PPFIA1: variants seen among roughly 807,000 people sequenced by gnomAD.
PPFIA1 encodes the protein PPFI scaffold protein A1, also known as liprin-alpha-1.
Under a neutral mutation model 149.9 loss-of-function variants are expected in PPFIA1, and 25 were observed. That is an observed-to-expected ratio of 0.17 (90% CI 0.12 to 0.23). The LOEUF (loss-of-function observed/expected upper bound fraction) is 0.23. Ranked by LOEUF, PPFIA1 falls within the 10% of genes least tolerant of loss-of-function variation. The pLI, the probability that PPFIA1 is intolerant of heterozygous loss-of-function variation, is 1.00. For synonymous variants in PPFIA1, 549 were observed against 552.8 expected (o/e 0.99, Z 0.10); for missense variants, 1,362 against 1,506.5 (o/e 0.90, Z 1.59).
chr11:70,373,186 C>T (rs965196880), intron 23 of PPFIA1, among the ~76,000 whole-genome samples: 2 of 151,946 alleles, frequency 1.3e-5, no homozygotes, highest in African/African-American at 4.8e-5. Flanking sequence ...GGGAGTCCCT[C>T]ACTCGTACTC....
At chr11:70,357,077 A>C (rs1450887978) in intron 19 of PPFIA1, among the ~76,000 whole-genome samples, 1 of 152,188 alleles carries the variant, frequency 6.6e-6, no homozygotes, top group Admixed American at 6.5e-5. Context: ...ACAGTGCCCA[A>C]GTGAGCCAAC....
intron 14 of PPFIA1, among the ~76,000 whole-genome samples, chr11:70,342,299 C>T (rs540800568): frequency 5.9e-5 from 9 of 152,138 alleles, no homozygotes; most frequent in East Asian, 5.8e-4. Flanking sequence ...GGAGGAAGGC[C>T]GAGTGCAGGC....
intron 1 of PPFIA1, 79 bp from the exon 2 acceptor site, chr11:70,272,094 C>T: frequency 6.9e-7 from 1 of 1,456,328 alleles, no homozygotes; most frequent in South Asian, 1.3e-5. Flanking sequence ...TTTTTAGCTA[C>T]AGATACCTGT....
At chr11:70,298,142 TC>T (rs1309646475) in intron 2 of PPFIA1, among the ~76,000 whole-genome samples, 2 of 152,244 alleles carry the variant, frequency 1.3e-5, no homozygotes, top group African/African-American at 4.8e-5. Context: ...TGGGTTTCCT[TC>T]CTTCCGTCAA....
Position 70,375,070 on chromosome 11 carries a change from C to G in PPFIA1, c.3292C>G (p.Gln1098Glu). The G allele has an allele frequency of 6.2e-7, 1 of 1,611,674 alleles. No individual in the cohort carries two copies. The highest frequency in any genetic ancestry group is 1.3e-5 in the African/African-American group (1 of 74,722). The change falls in exon 24 of 28, where the codon CAG becomes GAG. Residue 1098 changes from glutamine to glutamate, a missense_variant. This residue lies in a region of PPFIA1 where 349 missense variants were observed against 373.3 expected (regional missense o/e 0.93). Coordinates refer to ENST00000253925, the MANE Select transcript of PPFIA1 (RefSeq NM_003626.5). Reference protein sequence around the residue: ...FDFSALALLLQIPTQNTQARA... With the variant: ...FDFSALALLLEIPTQNTQARA... ...CTTCAGTGCACTGGCACTGCTGTTA[C>G]AGATCCCGACGCAGAACACACAGGT...
At chr11:70,381,860 G>A (rs1486674494) in intron 26 of PPFIA1, among the ~76,000 whole-genome samples, 1 of 152,202 alleles carries the variant, frequency 6.6e-6, no homozygotes, top group Non-Finnish European at 1.5e-5. Flanking sequence ...GTATTTCGGA[G>A]TAGTGTTCCA....
intron 2 of PPFIA1, among the ~76,000 whole-genome samples, chr11:70,293,599 AGC>A (rs1206472756): frequency 6.6e-6 from 1 of 152,170 alleles, no homozygotes; most frequent in Non-Finnish European, 1.5e-5. Flanking sequence ...GTGGCTCAGG[AGC>A]CAGTGGCGTC....
intron 2 of PPFIA1, among the ~76,000 whole-genome samples, chr11:70,275,263 T>A (rs926609477): frequency 6.6e-6 from 1 of 152,244 alleles, no homozygotes; most frequent in African/African-American, 2.4e-5. Context: ...GTGAAACGGT[T>A]ATCTTTTGCC....
At chr11:70,277,972 G>A (rs2050513820) in intron 2 of PPFIA1, among the ~76,000 whole-genome samples, 1 of 152,010 alleles carries the variant, frequency 6.6e-6, no homozygotes, top group African/African-American at 2.4e-5. Flanking sequence ...GTGCAGTGAT[G>A]TGATCTTGGC....
At position 70,288,817 on chromosome 11, in the gene PPFIA1, A is replaced by C. The variant is rs535316334; in HGVS notation, c.264+16381A>C. On this transcript the variant is annotated intron_variant, in intron 2 of 27. Transcript: ENST00000253925. ...AGTGCTTCATTGCTTTCTGGCACAG[A>C]AATTTGTCCCAGGCCTACTTTGTAC... Among the ~76,000 whole-genome samples, 9 of 152,188 alleles carry C rather than the reference A, an allele frequency of 5.9e-5. No homozygotes were observed. In the South Asian group the frequency reaches 1.9e-3, roughly 32 times the overall value.
intron 19 of PPFIA1, among the ~76,000 whole-genome samples, chr11:70,360,622 C>T (rs896007526): frequency 5.3e-5 from 8 of 152,256 alleles, no homozygotes; most frequent in South Asian, 4.1e-4. Flanking sequence ...CCCAAGGGAA[C>T]GGAAGGCAGG....
intron 2 of PPFIA1, among the ~76,000 whole-genome samples, chr11:70,289,159 A>T (rs1461105799): frequency 6.6e-6 from 1 of 151,552 alleles, no homozygotes; most frequent in Non-Finnish European, 1.5e-5. Flanking sequence ...TTTAGTATTG[A>T]TGGGGTTTCA....
chr11:70,369,123 G>T (rs1394298190), intron 21 of PPFIA1, among the ~76,000 whole-genome samples: 1 of 152,130 alleles, frequency 6.6e-6, no homozygotes, highest in Admixed American at 6.5e-5. Context: ...GATGTTCACT[G>T]TAGGGTTTTT....
rs756993753 is a variant in PPFIA1 at position 70,383,110 on chromosome 11, C to T, written c.*120C>T. The T allele has an allele frequency of 3.1e-5, 12 of 383,676 alleles. No homozygotes were observed. The East Asian group carries it at 1.3e-3, about 41-fold the overall frequency. The allele number at this position is 383,676 out of a possible 1,614,324, so 23.8% of individuals were successfully genotyped here. ...ATCTTGTTAATACTTGTTATATGGA[C>T]CCTAAGATATTTTATTACAGAGTTT... On this transcript the variant is annotated 3_prime_UTR_variant, in exon 28 of 28. Transcript: ENST00000253925.
At chr11:70,313,236 A>G (rs1487527388) in intron 2 of PPFIA1, among the ~76,000 whole-genome samples, 1 of 152,208 alleles carries the variant, frequency 6.6e-6, no homozygotes, top group Non-Finnish European at 1.5e-5. Context: ...TAGAGTATCA[A>G]GGTCTGGATG....
chr11:70,300,409 A>G (rs371375416), intron 2 of PPFIA1, among the ~76,000 whole-genome samples: 5 of 152,142 alleles, frequency 3.3e-5, no homozygotes, highest in African/African-American at 9.6e-5. Context: ...TTTCTCCATC[A>G]TGCAGGCTGG....
At chr11:70,339,677 T>C (rs923162264) in intron 14 of PPFIA1, among the ~76,000 whole-genome samples, 2 of 151,742 alleles carry the variant, frequency 1.3e-5, no homozygotes, top group African/African-American at 4.8e-5. Context: ...ATACAGTCAC[T>C]TTTAAATACA....
Position 70,349,511 on chromosome 11 carries a change from G to A in PPFIA1, c.2163+1091G>A, listed in dbSNP as rs139893343. Among the ~76,000 whole-genome samples the A allele has an allele frequency of 1.0e-3, 156 of 152,148 alleles. 2 individuals are homozygous for A. The highest frequency in any genetic ancestry group is 3.4e-3 in the African/African-American group (140 of 41,510). On this transcript the variant is annotated intron_variant, in intron 16 of 27. Transcript: ENST00000253925. ...TATCTTGTATATTTAGAATTTGTCA[G>A]TGTGTTGTCAATGAAATATTTCATA...
intron 2 of PPFIA1, among the ~76,000 whole-genome samples, chr11:70,302,573 C>T (rs901108438): frequency 3.9e-5 from 6 of 152,090 alleles, no homozygotes; most frequent in Non-Finnish European, 5.9e-5. Context: ...TCAGTTATGT[C>T]GTTTTCTGGT....
Sources: allele counts gnomAD v4.1 joint callset (sites outside exome capture counted in the v4.1 genomes callset), GRCh38; gene constraint gnomAD v4.1.1; regional missense constraint gnomAD v4.1.1; transcripts MANE v1.5; gene names NCBI Gene and HGNC (gene_info 2026-07-23, HGNC 2026-07-21).